Variants in ARHGEF39 observed in about 807,000 individuals in gnomAD.
ARHGEF39 encodes Rho guanine nucleotide exchange factor (GEF) 39.
Under a neutral mutation model 47.5 loss-of-function variants are expected in ARHGEF39, and 45 were observed. That is an observed-to-expected ratio of 0.95 (90% confidence interval 0.75 to 1.22). ARHGEF39 has a LOEUF of 1.22. ARHGEF39 is among the 50% of genes most tolerant of loss of function. The probability of loss-of-function intolerance (pLI) is 0.00; values close to 1 mark genes in which losing one functional copy is unlikely to be tolerated. For synonymous variants in ARHGEF39, 164 were observed against 167.8 expected (o/e 0.98, Z 0.17); for missense variants, 411 against 425.3 (o/e 0.97, Z 0.30).
chr9:35,663,591 G>A (rs1321599564), intron 4 of ARHGEF39, among the ~76,000 whole-genome samples, 199 bp from the exon 5 acceptor site: 4 of 152,156 alleles, frequency 2.6e-5, no homozygotes, highest in East Asian at 1.9e-4. Flanking sequence ...ACACTGAAGA[G>A]TCACTGGCAG....
At chr9:35,664,953 CG>C in intron 1 of ARHGEF39, 78 bp downstream of exon 1, 7 of 1,513,502 alleles carry the variant, frequency 4.6e-6, no homozygotes, top group African/African-American at 1.4e-5. Context: ...CTACATGCTC[CG>C]GGTTACCGAC....
rs1179364640 is a variant in ARHGEF39, at chr9:35,664,502, C to A, written c.234-10G>T. The A allele has an allele frequency of 6.3e-7, 1 of 1,586,592 alleles. No homozygotes were observed. Among genetic ancestry groups the A allele is most frequent in the Non-Finnish European group, 8.6e-7 (1 of 1,168,192 alleles). On this transcript the variant is annotated splice_polypyrimidine_tract_variant and intron_variant, in intron 2 of 8. Transcript: ENST00000378387. ...GTAGGGAAGCAGCTCCCTGTGTGGGCAAGGACAGCAAAAGGGCAGCTCTAG... is the reference window on the plus strand; with the variant it reads ...GTAGGGAAGCAGCTCCCTGTGTGGGAAAGGACAGCAAAAGGGCAGCTCTAG...
In ARHGEF39 at chr9:35,663,353, A is replaced by AC; in HGVS notation, c.512dup (p.Pro172SerfsTer5). ...GCTGTTGATGGTCAGGGCTGTTGGGACCTGTGTTTTCAGCCAAAGCTACGA... is the reference window on the plus strand; with the variant it reads ...GCTGTTGATGGTCAGGGCTGTTGGGACCCTGTGTTTTCAGCCAAAGCTACGA... On this transcript the variant is annotated frameshift_variant, in exon 5 of 9. Coordinates refer to ENST00000378387, the MANE Select transcript of ARHGEF39 (RefSeq NM_032818.3). LOFTEE classifies it high-confidence loss of function. 1.2e-6 allele frequency: 2 copies of AC among 1,613,872 alleles called. No individual in the cohort carries two copies. Among genetic ancestry groups the AC allele is most frequent in the Non-Finnish European group, 1.7e-6 (2 of 1,179,902 alleles).
Position 35,662,657 on chromosome 9 carries a change from T to A in ARHGEF39, c.758A>T (p.Asp253Val). The A allele has an allele frequency of 6.2e-7, 1 of 1,611,344 alleles. No homozygotes were observed. Among genetic ancestry groups the A allele is most frequent in the Non-Finnish European group, 8.5e-7 (1 of 1,178,838 alleles). The change falls in exon 7 of 9, where the codon GAT becomes GTT. Residue 253 changes from aspartate (D) to valine (V), a missense_variant. Physicochemically the swap from Asp to Val is radical, Grantham distance 152. Coordinates refer to ENST00000378387, the MANE Select transcript of ARHGEF39 (RefSeq NM_032818.3). ...CCGAGGCTTGGCCATGAGGAGCACA[T>A]CAGTGAAGAGGAAGAACATGCGGGG... ...PRPRMFFLFT[D>V]VLLMAKPRPP...
Position 35,661,590 on chromosome 9 carries a change from C to T in ARHGEF39, c.*397G>A. 1 of 427,596 alleles carries T rather than the reference C, an allele frequency of 2.3e-6. No individual in the cohort carries two copies. The highest frequency in any genetic ancestry group is 4.1e-6 in the Non-Finnish European group (1 of 243,018). 26.5% of individuals were successfully genotyped at this position (427,596 alleles called of 1,614,324 possible). ...ACAGAGCTTATCAGTCCCAAATCCC[C>T]TCATCTGTGTTAGGGGCTGGTTCAT... On this transcript the variant is annotated 3_prime_UTR_variant, in exon 9 of 9. Coordinates refer to ENST00000378387, the MANE Select transcript of ARHGEF39 (RefSeq NM_032818.3).
Position 35,660,234 on chromosome 9 carries a change from A to G in ARHGEF39, c.*1753T>C. ...TGTGTGGGACATAGGACGTCGCTTCATATGCTGGGTGAGGAGCTAGATAGA... is the reference window on the plus strand; with the variant it reads ...TGTGTGGGACATAGGACGTCGCTTCGTATGCTGGGTGAGGAGCTAGATAGA... On this transcript the variant is annotated 3_prime_UTR_variant, in exon 9 of 9. Transcript: ENST00000378387. The G allele has an allele frequency of 1.7e-6, 1 of 605,254 alleles. No individual in the cohort carries two copies. Among genetic ancestry groups the G allele is most frequent in the Non-Finnish European group, 2.9e-6 (1 of 345,660 alleles). The allele number at this position is 605,254 out of a possible 1,614,324, so 37.5% of individuals were successfully genotyped here.
At chr9:35,663,193 G>A (rs1563916335) in intron 5 of ARHGEF39, 119 bp from the exon 6 acceptor site, 1 of 1,564,732 alleles carries the variant, frequency 6.4e-7, no homozygotes, top group Admixed American at 1.7e-5. Context: ...AGAAAAGGCA[G>A]AGCAGTAGGG....
chr9:35,663,494 A>C (rs1824083686), intron 4 of ARHGEF39, 102 bp from the exon 5 acceptor site: 4 of 1,010,410 alleles, frequency 4.0e-6, no homozygotes, highest in Non-Finnish European at 6.0e-6. Context: ...ATTGAAGGCC[A>C]GGAAAGATCT....
In ARHGEF39 at chr9:35,661,752, G is replaced by C. The variant is rs1823962449; in HGVS notation, c.*235C>G. 2.0e-6 allele frequency: 1 copy of C among 502,264 alleles called. No homozygotes were observed. The highest frequency in any genetic ancestry group is 3.5e-5 in the Admixed American group (1 of 28,352). 31.1% of individuals were successfully genotyped at this position (502,264 alleles called of 1,614,324 possible). ...TGGTCTTGAACTCCTGGGCTGGAATGATCCTGCCACCTCTGCTTCCCAAAG... is the reference window on the plus strand; with the variant it reads ...TGGTCTTGAACTCCTGGGCTGGAATCATCCTGCCACCTCTGCTTCCCAAAG... On this transcript the variant is annotated 3_prime_UTR_variant, in exon 9 of 9. Coordinates refer to ENST00000378387, the MANE Select transcript of ARHGEF39 (RefSeq NM_032818.3).
In ARHGEF39 at chr9:35,664,363, C is replaced by T; in HGVS notation, c.354+9G>A. 6.3e-7 allele frequency: 1 copy of T among 1,595,830 alleles called. No homozygotes were observed. The highest frequency in any genetic ancestry group is 8.5e-7 in the Non-Finnish European group (1 of 1,172,636). On this transcript the variant is annotated intron_variant, in intron 3 of 8. Transcript: ENST00000378387. ...TAAGGGGCAAGATTTGAGGTCATCT[C>T]CAGGTTACCTGCAGGGTGGTCTGGG...
At position 35,664,894 on chromosome 9, in the gene ARHGEF39, A is replaced by C. The variant is rs200042709; in HGVS notation, c.139-44T>G. 8.4e-5 allele frequency: 133 copies of C among 1,586,402 alleles called. No individual in the cohort carries two copies. The African/African-American group carries it at 1.6e-3, about 20-fold the overall frequency. On this transcript the variant is annotated intron_variant, in intron 1 of 8. Coordinates refer to ENST00000378387, the MANE Select transcript of ARHGEF39 (RefSeq NM_032818.3). ...TTGGTTCTTAGCCTAGAGGAAGAGA[A>C]GGCTAACGCCAAGCGCCCCCAGAAA...
chr9:35,660,937 CAG>C lies in ARHGEF39; in HGVS notation c.*1048_*1049del. The C allele has an allele frequency of 6.2e-7, 1 of 1,614,200 alleles. No homozygotes were observed. On this transcript the variant is annotated 3_prime_UTR_variant, in exon 9 of 9. Transcript: ENST00000378387. ...GGAACATTCCTGATCTCTCCCCACACAGAGGCCAGCAGACCTCTTCCTGAGGA... is the reference window on the plus strand; with the variant it reads ...GGAACATTCCTGATCTCTCCCCACACAGGCCAGCAGACCTCTTCCTGAGGA...
chr9:35,664,883 A>G (rs1295513287), intron 1 of ARHGEF39, 33 bp from the exon 2 acceptor site: 1 of 1,596,188 alleles, frequency 6.3e-7, no homozygotes, highest in South Asian at 1.1e-5. Flanking sequence ...TTCTTAGCCT[A>G]GAGGAAGAGA....
In ARHGEF39 at chr9:35,660,408, A is replaced by G. The variant is rs574840948; in HGVS notation, c.*1579T>C. ...TTCCTTCTTCCACAACAGGGGAAAG[A>G]TGAAACTGCGGTTCTCCACGAGGAG... On this transcript the variant is annotated 3_prime_UTR_variant, in exon 9 of 9. Transcript: ENST00000378387. 1.2e-6 allele frequency: 2 copies of G among 1,602,426 alleles called. No individual in the cohort carries two copies. Among genetic ancestry groups the G allele is most frequent in the South Asian group, 2.2e-5 (2 of 88,992 alleles).
In ARHGEF39 at chr9:35,662,720, C is replaced by A; in HGVS notation, c.695G>T (p.Gly232Val). 1 of 1,565,142 alleles carries A rather than the reference C, an allele frequency of 6.4e-7. No homozygotes were observed. The highest frequency in any genetic ancestry group is 8.7e-7 in the Non-Finnish European group (1 of 1,154,890). The change falls in exon 7 of 9, where the codon GGC (glycine) becomes GTC (valine). Residue 232 changes from glycine to valine, a missense_variant. By Grantham distance (109) the Gly-to-Val change is moderately radical. Coordinates refer to ENST00000378387, the MANE Select transcript of ARHGEF39 (RefSeq NM_032818.3). ...LTSGRWFLRQ[G>V]WLLVVPPHGE... ...ATGGGGAGGCACCACTAACAGCCAG[C>A]CCTGGCGTAGGAACCAGCGCCCTGG... is the stretch of plus-strand genomic sequence containing the variant.
chr9:35,662,108 A>G, intron 8 of ARHGEF39, 71 bp downstream of exon 8: 1 of 1,598,692 alleles, frequency 6.3e-7, no homozygotes. Flanking sequence ...GTAGGGCATG[A>G]GACAGGAACT....
rs940166329 is a variant in ARHGEF39 at position 35,661,612 on chromosome 9, T to A, written c.*375A>T. ...CCCCTCATCTGTGTTAGGGGCTGGTTCATTTGAGGTTTAGTTGGGTTGGAC... is the reference window on the plus strand; with the variant it reads ...CCCCTCATCTGTGTTAGGGGCTGGTACATTTGAGGTTTAGTTGGGTTGGAC... On this transcript the variant is annotated 3_prime_UTR_variant, in exon 9 of 9. Transcript: ENST00000378387. 2.3e-6 allele frequency: 1 copy of A among 426,572 alleles called. No individual in the cohort carries two copies. The highest frequency in any genetic ancestry group is 2.0e-5 in the African/African-American group (1 of 49,062). 26.4% of individuals were successfully genotyped at this position (426,572 alleles called of 1,614,324 possible). A position where few individuals can be genotyped will look rare whatever the true frequency, so the allele number is the denominator to read the frequency against.
At chr9:35,662,798 G>A in intron 6 of ARHGEF39, 57 bp from the exon 7 acceptor site, 1 of 1,522,630 alleles carries the variant, frequency 6.6e-7, no homozygotes, top group South Asian at 1.2e-5. Flanking sequence ...GGGAATAAGA[G>A]GAAAGGGAGG....
Position 35,664,501 on chromosome 9 carries a change from G to C in ARHGEF39, c.234-9C>G. 1.3e-6 allele frequency: 2 copies of C among 1,586,208 alleles called. No homozygotes were observed. The highest frequency in any genetic ancestry group is 1.7e-6 in the Non-Finnish European group (2 of 1,168,080). On this transcript the variant is annotated splice_polypyrimidine_tract_variant and intron_variant, in intron 2 of 8. Transcript: ENST00000378387. ...GGTAGGGAAGCAGCTCCCTGTGTGG[G>C]CAAGGACAGCAAAAGGGCAGCTCTA...
Sources: allele counts gnomAD v4.1 joint callset (sites outside exome capture counted in the v4.1 genomes callset), GRCh38; gene constraint gnomAD v4.1.1; transcripts MANE v1.5; gene names NCBI Gene and HGNC (gene_info 2026-07-23, HGNC 2026-07-21).